The following PTPRD variants were observed in gnomAD, a reference collection of about 807,000 sequenced individuals.
PTPRD encodes the protein receptor-type tyrosine-protein phosphatase delta.
Under a neutral mutation model 214.5 loss-of-function variants are expected in PTPRD, and 34 were observed. The observed-to-expected ratio is 0.16, with a 90% CI of 0.12 to 0.21. PTPRD has a LOEUF of 0.21. Among genes scored for constraint, PTPRD ranks in the 10% least tolerant of loss-of-function variants. PTPRD has a pLI of 1.00. For missense variants in PTPRD, 2,545 were observed against 2,398.7 expected, an observed-to-expected ratio of 1.06 and a Z score of -1.27; for synonymous variants, 1,128 against 845.7, an observed-to-expected ratio of 1.33 and a Z score of -5.79.
intron 3 of PTPRD, among the ~76,000 whole-genome samples, chr9:10,178,061 T>A (rs2154303666): frequency 6.6e-6 from 1 of 152,058 alleles, no homozygotes; most frequent in East Asian, 1.9e-4. Flanking sequence ...GCTTTCCTTG[T>A]ACTTCTCTTA....
In PTPRD at chr9:8,341,194, G is replaced by A. The variant is rs758263557; in HGVS notation, c.5022C>T (p.Arg1674=). Residue 1674 remains arginine (R), a synonymous_variant, in exon 41 of 46, where the codon CGC becomes CGT. Transcript: ENST00000381196. ...ATTCATATGGCATAATATTAACAAG[G>A]CGATTTTTGAATTTATTACATGGAA... ...ANLPCNKFKN[R]LVNIMPYEST... is the part of the protein sequence containing the mutation. The A allele has an allele frequency of 2.5e-5, 41 of 1,612,830 alleles. No individual in the cohort carries two copies. Among genetic ancestry groups the A allele is most frequent in the South Asian group, 5.5e-5 (5 of 91,008 alleles).
intron 7 of PTPRD, among the ~76,000 whole-genome samples, chr9:9,730,092 A>G (rs181538644): frequency 6.6e-6 from 1 of 152,262 alleles, no homozygotes; most frequent in East Asian, 1.9e-4. Context: ...TGTAGATAAA[A>G]CATCAGAATA....
chr9:10,054,354 A>C (rs944716454), intron 3 of PTPRD, among the ~76,000 whole-genome samples: 9 of 152,134 alleles, frequency 5.9e-5, no homozygotes, highest in Admixed American at 3.9e-4. Flanking sequence ...AATCTATAAA[A>C]TTTGCAAGAT....
At chr9:9,070,783 T>C (rs546569739) in intron 10 of PTPRD, among the ~76,000 whole-genome samples, 109 of 152,322 alleles carry the variant, frequency 7.2e-4, no homozygotes, top group Non-Finnish European at 1.2e-3. Flanking sequence ...TATCACACTT[T>C]ATAAGTAAAA....
chr9:8,896,104 C>A (rs1475031820), intron 11 of PTPRD, among the ~76,000 whole-genome samples: 1 of 152,118 alleles, frequency 6.6e-6, no homozygotes, highest in Non-Finnish European at 1.5e-5. Context: ...TGGGGCAAGA[C>A]AAGGGAATAC....
intron 6 of PTPRD, among the ~76,000 whole-genome samples, chr9:9,745,512 G>A (rs150080623): frequency 6.6e-6 from 1 of 151,982 alleles, no homozygotes; most frequent in Non-Finnish European, 1.5e-5. Context: ...CACCATCGTG[G>A]CAGGGCAAAT....
At chr9:9,088,581 GAAAAA>G (rs533619970) in intron 10 of PTPRD, among the ~76,000 whole-genome samples, 1,145 of 32,842 alleles carry the variant, frequency 0.035, 5 homozygotes, top group East Asian at 0.15. Context: ...CTTAGTCTCA[GAAAAA>G]AAAAAAAAAA....
chr9:8,662,730 G>A (rs899338228), intron 12 of PTPRD, among the ~76,000 whole-genome samples: 2 of 152,052 alleles, frequency 1.3e-5, no homozygotes, highest in South Asian at 2.1e-4. Flanking sequence ...GACCCTGTAA[G>A]CATCTGAATT....
intron 11 of PTPRD, among the ~76,000 whole-genome samples, chr9:8,870,729 C>CACACACACAT (rs1555457923): frequency 7.9e-5 from 12 of 151,288 alleles, no homozygotes; most frequent in African/African-American, 2.4e-4. Flanking sequence ...CACACACACA[C>CACACACACAT]GGGAGTTCAG....
At chr9:10,334,662 C>CAAA (rs2096812660) in intron 3 of PTPRD, among the ~76,000 whole-genome samples, 2 of 151,310 alleles carry the variant, frequency 1.3e-5, no homozygotes, top group Admixed American at 6.6e-5. Flanking sequence ...GCAGAAAATC[C>CAAA]AGAACAACAA....
chr9:10,242,798 C>G (rs1329667772), intron 3 of PTPRD, among the ~76,000 whole-genome samples: 2 of 151,640 alleles, frequency 1.3e-5, no homozygotes, highest in Non-Finnish European at 2.9e-5. Context: ...ATTAAGTGAG[C>G]CAATGGCTGA....
At chr9:9,666,880 C>G (rs2096733127) in intron 7 of PTPRD, among the ~76,000 whole-genome samples, 1 of 151,770 alleles carries the variant, frequency 6.6e-6, no homozygotes, top group Non-Finnish European at 1.5e-5. Context: ...AATGCTTTAC[C>G]TCGCTTTTTA....
At chr9:10,271,704 G>C (rs778933246) in intron 3 of PTPRD, among the ~76,000 whole-genome samples, 1 of 151,518 alleles carries the variant, frequency 6.6e-6, no homozygotes, top group African/African-American at 2.4e-5. Context: ...CACCACACCC[G>C]GCTAATTTTT....
intron 7 of PTPRD, among the ~76,000 whole-genome samples, chr9:9,673,795 A>C (rs2096876694): frequency 6.6e-6 from 1 of 151,682 alleles, no homozygotes; most frequent in Admixed American, 6.6e-5. Context: ...AAAGATCAGG[A>C]AAGACAGATT....
chr9:9,007,450 T>C (rs2099481659), intron 11 of PTPRD, among the ~76,000 whole-genome samples: 1 of 138,436 alleles, frequency 7.2e-6, no homozygotes, highest in Non-Finnish European at 1.6e-5. Flanking sequence ...TCAATACAAG[T>C]CCCTGAAGAA....
At chr9:8,565,197 T>C (rs2154217206) in intron 14 of PTPRD, among the ~76,000 whole-genome samples, 1 of 151,986 alleles carries the variant, frequency 6.6e-6, no homozygotes, top group East Asian at 1.9e-4. Context: ...AGGGAGGAAG[T>C]GTGGAAAGGG....
At chr9:9,758,576 C>A (rs1037088602) in intron 6 of PTPRD, among the ~76,000 whole-genome samples, 2 of 152,146 alleles carry the variant, frequency 1.3e-5, no homozygotes, top group Non-Finnish European at 2.9e-5. Flanking sequence ...ACAGTGGCTA[C>A]AACCAACAAA....
intron 5 of PTPRD, among the ~76,000 whole-genome samples, chr9:9,924,464 TA>T (rs1372754462): frequency 1.3e-5 from 2 of 151,992 alleles, no homozygotes; most frequent in African/African-American, 4.8e-5. Flanking sequence ...TTTATAAAAA[TA>T]AAAGCAAATT....
intron 5 of PTPRD, among the ~76,000 whole-genome samples, chr9:9,883,153 C>G (rs929216123): frequency 1.3e-5 from 2 of 151,954 alleles, no homozygotes; most frequent in African/African-American, 2.4e-5. Context: ...TGAACAAACC[C>G]CCCAAGAGGC....
Sources: allele counts gnomAD v4.1 joint callset (sites outside exome capture counted in the v4.1 genomes callset), GRCh38; gene constraint gnomAD v4.1.1; transcripts MANE v1.5; gene names NCBI Gene and HGNC (gene_info 2026-07-23, HGNC 2026-07-21).